Variants in AHCY observed in about 807,000 individuals in gnomAD.
AHCY encodes S-adenosyl-L-homocysteine hydrolase.
A neutral mutation model predicts 45.4 loss-of-function variants in AHCY; 24 were observed. That is an observed-to-expected ratio of 0.53 (90% confidence interval 0.38 to 0.74). The LOEUF (loss-of-function observed/expected upper bound fraction) is 0.74, where lower values mean the gene tolerates loss of function less well. AHCY is among the 30% of genes least tolerant of loss of function. AHCY has a pLI of 0.00. For missense variants in AHCY, 449 were observed against 594.1 expected, an observed-to-expected ratio of 0.76 and a Z score of 2.54; for synonymous variants, 245 against 235.1, an observed-to-expected ratio of 1.04 and a Z score of -0.39.
chr20:34,235,868 A>G, the AHCY span, among the ~76,000 whole-genome samples: 4,793 of 24,422 alleles, frequency 0.2, 318 homozygotes, highest in East Asian at 0.25. Flanking sequence ...AAGGAAGGAA[A>G]GGAAGGAAGG....
At chr20:34,277,580 C>A (rs1401023565), downstream of AHCY, among the ~76,000 whole-genome samples, 2 of 151,608 alleles carry the variant, frequency 1.3e-5, no homozygotes, top group Non-Finnish European at 2.9e-5. Flanking sequence ...ACGGTGAAAC[C>A]CCATCTCTAC....
chr20:34,240,976 C>G, the AHCY span, among the ~76,000 whole-genome samples: 1 of 152,146 alleles, frequency 6.6e-6, no homozygotes, highest in Non-Finnish European at 1.5e-5. Flanking sequence ...GGGAAGCCAG[C>G]TCTGGGAGAT....
chr20:34,235,867 A>AGCGGG, the AHCY span, among the ~76,000 whole-genome samples: 1 of 27,058 alleles, frequency 3.7e-5, no homozygotes, highest in Non-Finnish European at 5.3e-5. Flanking sequence ...GAAGGAAGGA[A>AGCGGG]AGGAAGGAAG....
At chr20:34,248,846 T>C in the AHCY span, among the ~76,000 whole-genome samples, 1 of 151,158 alleles carries the variant, frequency 6.6e-6, no homozygotes, top group African/African-American at 2.4e-5. Context: ...TTGTAGCCTC[T>C]CTGAAGGGGA....
chr20:34,249,069 C>T, the AHCY span, among the ~76,000 whole-genome samples: 1 of 151,166 alleles, frequency 6.6e-6, no homozygotes, highest in African/African-American at 2.4e-5. Flanking sequence ...GCAGAGGTTA[C>T]AATGAGCTGA....
chr20:34,284,145 A>C (rs1171391412), intron 9 of AHCY, among the ~76,000 whole-genome samples: 1 of 152,026 alleles, frequency 6.6e-6, no homozygotes, highest in African/African-American at 2.4e-5. Context: ...AACCATAGTG[A>C]GATGCCATGC....
downstream of AHCY, among the ~76,000 whole-genome samples, chr20:34,277,269 CAG>C (rs1457357397): frequency 6.6e-6 from 1 of 152,188 alleles, no homozygotes; most frequent in Non-Finnish European, 1.5e-5. Context: ...CCCAGACCTG[CAG>C]AGTGACCCGG....
the AHCY span, among the ~76,000 whole-genome samples, chr20:34,253,486 T>TA: frequency 6.6e-6 from 1 of 151,198 alleles, no homozygotes; most frequent in Non-Finnish European, 1.5e-5. Context: ...TTTATTTATT[T>TA]TTTAGAGACA....
downstream of AHCY, among the ~76,000 whole-genome samples, chr20:34,278,773 T>G (rs1255152510): frequency 6.6e-6 from 1 of 152,190 alleles, no homozygotes; most frequent in African/African-American, 2.4e-5. Flanking sequence ...ACATATGATG[T>G]AAAGATACAT....
the AHCY span, among the ~76,000 whole-genome samples, chr20:34,262,607 T>C: frequency 6.6e-6 from 1 of 152,128 alleles, no homozygotes; most frequent in African/African-American, 2.4e-5. Flanking sequence ...GGATTTCCCA[T>C]TTGCCTTCCC....
At chr20:34,233,938 T>C in the AHCY span, among the ~76,000 whole-genome samples, 2 of 152,188 alleles carry the variant, frequency 1.3e-5, no homozygotes, top group Admixed American at 1.3e-4. Flanking sequence ...CAGTCAACAC[T>C]CAGTGCAATA....
intron 3 of AHCY, among the ~76,000 whole-genome samples, chr20:34,292,890 G>A (rs1008521817): frequency 1.3e-5 from 2 of 152,094 alleles, no homozygotes; most frequent in African/African-American, 4.8e-5. Flanking sequence ...GCCAAGGACT[G>A]AGGCATCAAC....
intron 8 of AHCY, among the ~76,000 whole-genome samples, chr20:34,288,135 C>T (rs1474470235): frequency 6.6e-6 from 1 of 152,150 alleles, no homozygotes; most frequent in Non-Finnish European, 1.5e-5. Context: ...GGAACTGACA[C>T]CCTAGACTAG....
chr20:34,245,582 G>C, the AHCY span, among the ~76,000 whole-genome samples: 1 of 151,284 alleles, frequency 6.6e-6, no homozygotes, highest in African/African-American at 2.4e-5. Flanking sequence ...GTAGAGACGG[G>C]GTTTCACCAT....
the AHCY span, among the ~76,000 whole-genome samples, chr20:34,250,525 C>T: frequency 6.6e-6 from 1 of 152,078 alleles, no homozygotes; most frequent in Non-Finnish European, 1.5e-5. Flanking sequence ...AGGCCGAGCA[C>T]GGTGGCTCAC....
rs550680610 is a variant in AHCY at position 34,281,052 on chromosome 20, C to T, written c.1281G>A (p.Pro427=). 1.7e-5 allele frequency: 28 copies of T among 1,614,118 alleles called. No homozygotes were observed. The highest frequency in any genetic ancestry group is 2.7e-5 in the African/African-American group (2 of 75,046). Reference sequence around the variant, plus strand: ...CTGGCTCTCAGTAGCGGTAGTGATCCGGCTTGAAGGGGCCATCACAGGACA... The same window carrying T: ...CTGGCTCTCAGTAGCGGTAGTGATCTGGCTTGAAGGGGCCATCACAGGACA... ...LGMSCDGPFK[P]DHYRY Residue 427 remains proline (P), a synonymous_variant, in exon 10 of 10, where the codon CCG becomes CCA. Coordinates refer to ENST00000217426, the MANE Select transcript of AHCY (RefSeq NM_000687.4).
At chr20:34,234,661 GC>G in the AHCY span, among the ~76,000 whole-genome samples, 1 of 152,038 alleles carries the variant, frequency 6.6e-6, no homozygotes, top group Non-Finnish European at 1.5e-5. Flanking sequence ...AATTCGCCGG[GC>G]GTGGTGGCAG....
downstream of AHCY, among the ~76,000 whole-genome samples, chr20:34,277,355 T>G (rs1290189315): frequency 6.6e-6 from 1 of 152,106 alleles, no homozygotes. Context: ...GACTCTAAGG[T>G]TCTCCCTTAG....
intron 2 of AHCY, among the ~76,000 whole-genome samples, chr20:34,294,841 T>A (rs1488123171): frequency 6.6e-6 from 1 of 152,080 alleles, no homozygotes; most frequent in Non-Finnish European, 1.5e-5. Context: ...AGCTATAAAA[T>A]CAGACCGCCA....
Sources: allele counts gnomAD v4.1 joint callset (sites outside exome capture counted in the v4.1 genomes callset), GRCh38; gene constraint gnomAD v4.1.1; transcripts MANE v1.5; gene names NCBI Gene and HGNC (gene_info 2026-07-23, HGNC 2026-07-21).